The following LRP2 variants were observed in gnomAD, a reference collection of about 807,000 sequenced individuals.
LRP2 encodes the protein low-density lipoprotein receptor-related protein 2.
A neutral mutation model predicts 531.0 loss-of-function variants in LRP2; 172 were observed. That is an observed-to-expected ratio of 0.32 (90% CI 0.29 to 0.37). LRP2 has a LOEUF of 0.37. Among genes scored for constraint, LRP2 ranks in the 10% least tolerant of loss-of-function variants. The pLI is 1.00. For missense variants in LRP2, 5,167 were observed against 5,868.3 expected (o/e 0.88, Z 3.90); for synonymous variants, 1,992 against 2,027.6 (o/e 0.98, Z 0.47).
Position 169,311,128 on chromosome 2 carries a change from T to G in LRP2, c.311-3731A>C, listed in dbSNP as rs566633628. On this transcript the variant is annotated intron_variant, in intron 3 of 78. Transcript: ENST00000649046. Reference sequence around the variant, plus strand: ...TAGTCTTCCTAGTGGTCTATCAATTTTGTTGATCTTTTCAAAAAACCAGCT... The same window carrying G: ...TAGTCTTCCTAGTGGTCTATCAATTGTGTTGATCTTTTCAAAAAACCAGCT... 8.5e-5 allele frequency among the ~76,000 whole-genome samples: 13 copies of G among 152,300 alleles called. 2 individuals are homozygous for G. The highest frequency in any genetic ancestry group is 2.6e-4 in the African/African-American group (11 of 41,564).
At position 169,279,799 on chromosome 2, in the gene LRP2, T is replaced by C. The variant is rs564950887; in HGVS notation, c.1342-204A>G. Among the ~76,000 whole-genome samples the C allele has an allele frequency of 1.2e-4, 18 of 152,282 alleles. 1 individual carries two copies. The East Asian group carries it at 2.1e-3, about 18-fold the overall frequency. ...GTAAGAAGAAATAAATAAAATTCCA[T>C]AACTCTTTAAGAGTTTCTGAAATTT... On this transcript the variant is annotated intron_variant, in intron 11 of 78. Coordinates refer to ENST00000649046, the MANE Select transcript of LRP2 (RefSeq NM_004525.3).
At position 169,145,930 on chromosome 2, in the gene LRP2, A is replaced by G; in HGVS notation, c.12812-7T>C. 1 of 1,613,940 alleles carries G rather than the reference A, an allele frequency of 6.2e-7. No homozygotes were observed. The highest frequency in any genetic ancestry group is 2.2e-5 in the East Asian group (1 of 44,852). ...AGGCTGTAAGGGTTCATTGCTGCTT[A>G]CCCACAGGGGAAAAACAAAACAGAA... is the stretch of plus-strand genomic sequence containing the variant. On this transcript the variant is annotated splice_polypyrimidine_tract_variant and splice_region_variant and intron_variant, in intron 69 of 78. Transcript: ENST00000649046.
intron 16 of LRP2, among the ~76,000 whole-genome samples, chr2:169,259,775 G>C (rs1031605030): frequency 6.6e-6 from 1 of 151,556 alleles, no homozygotes; most frequent in Non-Finnish European, 1.5e-5. Flanking sequence ...CCTCTTTATG[G>C]AGTTATTATG....
intron 36 of LRP2, 44 bp downstream of exon 36, chr2:169,213,613 A>G (rs1262255394): frequency 4.2e-6 from 6 of 1,441,140 alleles, no homozygotes; most frequent in Middle Eastern, 2.4e-4. Context: ...ATGTGTGAAT[A>G]TGCATTATAC....
rs148017335 is a variant in LRP2, at chr2:169,241,286, T to C, written c.3747A>G (p.Glu1249=). 2.5e-6 allele frequency: 4 copies of C among 1,614,168 alleles called. No homozygotes were observed. The African/African-American group carries it at 4.0e-5, about 16-fold the overall frequency. ...EDGICIPNFW[E]CDGHPDCLYG... is the part of the protein sequence containing the mutation. ...AGAGGCAGTCTGGATGCCCATCACATTCCCAGAAGTTCGGGATGCAGATAC... is the reference window on the plus strand; with the variant it reads ...AGAGGCAGTCTGGATGCCCATCACACTCCCAGAAGTTCGGGATGCAGATAC... Residue 1249 remains glutamate, a synonymous_variant, in exon 25 of 79, where the codon GAA becomes GAG. Coordinates refer to ENST00000649046, the MANE Select transcript of LRP2 (RefSeq NM_004525.3).
intron 3 of LRP2, among the ~76,000 whole-genome samples, chr2:169,308,265 G>C (rs1182652662): frequency 1.3e-5 from 2 of 151,898 alleles, no homozygotes; most frequent in Non-Finnish European, 2.9e-5. Flanking sequence ...GGGTACATGT[G>C]CACAGCGTGC....
chr2:169,282,860 A>G lies in LRP2; in HGVS notation c.1171+13T>C, dbSNP rs777682864. ...TCACTGTTCAGAGACACAGGTGTCC[A>G]TAATTTACTCACAGGAATCATTAGC... On this transcript the variant is annotated intron_variant, in intron 10 of 78. Transcript: ENST00000649046. The G allele has an allele frequency of 6.2e-7, 1 of 1,613,430 alleles. No homozygotes were observed. Among genetic ancestry groups the G allele is most frequent in the Non-Finnish European group, 8.5e-7 (1 of 1,179,332 alleles).
At chr2:169,244,592 T>A (rs534830817) in intron 22 of LRP2, 101 bp downstream of exon 22, 2 of 1,494,386 alleles carry the variant, frequency 1.3e-6, no homozygotes, top group African/African-American at 2.8e-5. Flanking sequence ...AAAGAGACAA[T>A]GAAAATTGCA....
At chr2:169,281,528 G>A (rs1683703960) in intron 10 of LRP2, among the ~76,000 whole-genome samples, 1 of 152,004 alleles carries the variant, frequency 6.6e-6, no homozygotes, top group South Asian at 2.1e-4. Flanking sequence ...AGACCATCCT[G>A]GCTAACATGA....
chr2:169,185,882 A>C lies in LRP2; in HGVS notation c.9466T>G (p.Cys3156Gly), dbSNP rs908734893. 1 of 1,613,976 alleles carries C rather than the reference A, an allele frequency of 6.2e-7. No homozygotes were observed. The highest frequency in any genetic ancestry group is 1.7e-5 in the Admixed American group (1 of 59,988). ...DKRTCVDIDE[C>G]TEMPFVCSQK... ...CTACAGACAAAAGGCATCTCTGTGC[A>C]TTCATCAATATCAACACAAGTCCGC... Residue 3156 changes from cysteine (C) to glycine (G), a missense_variant, in exon 50 of 79, where the codon TGC (cysteine) becomes GGC (glycine). Coordinates refer to ENST00000649046, the MANE Select transcript of LRP2 (RefSeq NM_004525.3).
intron 4 of LRP2, among the ~76,000 whole-genome samples, chr2:169,300,036 T>C (rs973109562): frequency 1.3e-5 from 2 of 152,252 alleles, no homozygotes; most frequent in Non-Finnish European, 2.9e-5. Context: ...AAATCTGACT[T>C]CATAGATACT....
intron 1 of LRP2, among the ~76,000 whole-genome samples, chr2:169,332,020 T>C (rs1216342180): frequency 1.3e-5 from 2 of 152,238 alleles, no homozygotes; most frequent in Admixed American, 6.5e-5. Context: ...AGGGTTTTCC[T>C]GATTAATTAG....
intron 3 of LRP2, among the ~76,000 whole-genome samples, chr2:169,313,173 T>C (rs1478406509): frequency 6.6e-6 from 1 of 152,142 alleles, no homozygotes; most frequent in Non-Finnish European, 1.5e-5. Context: ...TTGGGGAAGT[T>C]TGTTATTACC....
At chr2:169,221,394 G>C (rs1475002184) in intron 33 of LRP2, among the ~76,000 whole-genome samples, 1 of 152,226 alleles carries the variant, frequency 6.6e-6, no homozygotes, top group East Asian at 1.9e-4. Context: ...GAGGTTTAGT[G>C]GCTTTCCCAA....
Position 169,206,596 on chromosome 2 carries a change from AG to A in LRP2, c.7123del (p.Leu2375CysfsTer24). On this transcript the variant is annotated frameshift_variant, in exon 39 of 79. Coordinates refer to ENST00000649046, the MANE Select transcript of LRP2 (RefSeq NM_004525.3). LOFTEE classifies it high-confidence loss of function. The part of the protein sequence containing the change: ...TPKCDCAFGT[L>X]QSDGKNCAIS... Reference sequence around the variant, plus strand: ...GGCACAATTCTTGCCATCACTTTGCAGGGTCCCAAAGGCACAGTCACATTTT... The same window carrying A: ...GGCACAATTCTTGCCATCACTTTGCAGGTCCCAAAGGCACAGTCACATTTT... The A allele has an allele frequency of 6.2e-7, 1 of 1,614,160 alleles. No individual in the cohort carries two copies. The highest frequency in any genetic ancestry group is 8.5e-7 in the Non-Finnish European group (1 of 1,180,030).
At chr2:169,265,861 C>G (rs1009779009) in intron 16 of LRP2, among the ~76,000 whole-genome samples, 8 of 151,828 alleles carry the variant, frequency 5.3e-5, no homozygotes, top group African/African-American at 1.9e-4. Flanking sequence ...GAAGTCTGTG[C>G]ACCAGGCCAG....
chr2:169,314,241 A>ATAAAT (rs1559071086), intron 3 of LRP2, among the ~76,000 whole-genome samples: 1 of 139,174 alleles, frequency 7.2e-6, no homozygotes, highest in African/African-American at 3.0e-5. Flanking sequence ...CTTAAAAGAA[A>ATAAAT]AAAAAAATAA....
At chr2:169,187,412 T>C (rs1687671968) in intron 49 of LRP2, among the ~76,000 whole-genome samples, 1 of 152,136 alleles carries the variant, frequency 6.6e-6, no homozygotes, top group African/African-American at 2.4e-5. Context: ...AGAGACAATA[T>C]CAACATACAT....
chr2:169,360,850 T>C (rs1686129716), intron 1 of LRP2, among the ~76,000 whole-genome samples: 1 of 152,072 alleles, frequency 6.6e-6, no homozygotes, highest in African/African-American at 2.4e-5. Context: ...CTGCTAGGAG[T>C]TGCTGTATAA....
Sources: gnomAD v4.1 joint callset for allele counts (sites outside exome capture counted in the v4.1 genomes callset) on GRCh38, gnomAD v4.1.1 for gene constraint, MANE v1.5 for transcripts, NCBI Gene and HGNC (gene_info 2026-07-23, HGNC 2026-07-21) for gene names.